SLC8A1: variants seen among roughly 807,000 people sequenced by gnomAD.
The protein encoded by SLC8A1 is solute carrier family 8 member A1, also known as sodium/calcium exchanger 1.
Under a neutral mutation model 68.3 loss-of-function variants are expected in SLC8A1, and 18 were observed. The observed-to-expected ratio is 0.26, with a 90% CI of 0.18 to 0.39. The LOEUF (loss-of-function observed/expected upper bound fraction) is 0.39. Among genes scored for constraint, SLC8A1 ranks in the 10% least tolerant of loss-of-function variants. SLC8A1 has a pLI of 1.00. For synonymous variants in SLC8A1, 475 were observed against 415.5 expected (o/e 1.14, Z -1.74); for missense variants, 985 against 1,156.7 (o/e 0.85, Z 2.15).
intron 2 of SLC8A1, among the ~76,000 whole-genome samples, chr2:40,420,346 G>A (rs541937197): frequency 7.1e-6 from 1 of 140,850 alleles, no homozygotes; most frequent in African/African-American, 2.6e-5. Context: ...AATTTGGATT[G>A]TCTGGTAACA....
intron 2 of SLC8A1, among the ~76,000 whole-genome samples, chr2:40,319,096 T>C (rs2074865424): frequency 6.6e-6 from 1 of 152,108 alleles, no homozygotes. Context: ...TGAGAAAGCC[T>C]TAATTCCTGG....
At chr2:40,166,693 T>C (rs1329235807) in intron 4 of SLC8A1, among the ~76,000 whole-genome samples, 1 of 152,222 alleles carries the variant, frequency 6.6e-6, no homozygotes, top group Non-Finnish European at 1.5e-5. Flanking sequence ...CTGAGATACA[T>C]GAAGTGCAAT....
chr2:40,286,238 G>A lies in SLC8A1; in HGVS notation c.1809-108383C>T, dbSNP rs969272654. Among the ~76,000 whole-genome samples, 5 of 152,282 alleles carry A rather than the reference G, an allele frequency of 3.3e-5. No homozygotes were observed. The South Asian group carries it at 1.0e-3, about 32-fold the overall frequency. On this transcript the variant is annotated intron_variant, in intron 2 of 7. Transcript: ENST00000406785. ...TTACTCCATTTTATCTTCAAGAGAA[G>A]AGGCTTCACTATAGGGATAACCCCA... is the stretch of plus-strand genomic sequence containing the variant.
intron 2 of SLC8A1, among the ~76,000 whole-genome samples, chr2:40,228,221 T>A (rs1032561815): frequency 6.6e-6 from 1 of 152,218 alleles, no homozygotes; most frequent in African/African-American, 2.4e-5. Flanking sequence ...AGCTTTGACA[T>A]CATATACATA....
intron 2 of SLC8A1, among the ~76,000 whole-genome samples, chr2:40,267,636 G>A (rs2065514394): frequency 6.6e-6 from 1 of 152,140 alleles, no homozygotes; most frequent in Admixed American, 6.5e-5. Flanking sequence ...ATGAATGAAT[G>A]AATGGGAAAA....
intron 2 of SLC8A1, among the ~76,000 whole-genome samples, chr2:40,229,864 T>C (rs1397029409): frequency 6.6e-6 from 1 of 152,216 alleles, no homozygotes; most frequent in African/African-American, 2.4e-5. Context: ...GTTAAAGATA[T>C]GTACACCTAA....
chr2:40,136,581 AC>A (rs1426150312), intron 7 of SLC8A1, among the ~76,000 whole-genome samples: 1 of 152,158 alleles, frequency 6.6e-6, no homozygotes, highest in Non-Finnish European at 1.5e-5. Flanking sequence ...AAGTGCCAAA[AC>A]ATGGGCCTAG....
At chr2:40,485,131 T>A (rs867219068) in intron 1 of SLC8A1, among the ~76,000 whole-genome samples, 2 of 151,632 alleles carry the variant, frequency 1.3e-5, no homozygotes, top group Middle Eastern at 3.2e-3. Flanking sequence ...GGAGGAGGAG[T>A]AGAAGCAGGC....
intron 2 of SLC8A1, among the ~76,000 whole-genome samples, chr2:40,362,227 A>C (rs1174829061): frequency 2.6e-5 from 4 of 151,976 alleles, no homozygotes; most frequent in Non-Finnish European, 5.9e-5. Flanking sequence ...GTTTGGAAGT[A>C]AGAGAAAAAA....
chr2:40,310,549 T>G (rs543060637), intron 2 of SLC8A1, among the ~76,000 whole-genome samples: 1 of 152,312 alleles, frequency 6.6e-6, no homozygotes, highest in African/African-American at 2.4e-5. Context: ...CTGTAGCAGC[T>G]GCCCTGACTC....
chr2:40,319,637 G>T (rs1189397238), intron 2 of SLC8A1, among the ~76,000 whole-genome samples: 1 of 152,066 alleles, frequency 6.6e-6, no homozygotes, highest in Non-Finnish European at 1.5e-5. Flanking sequence ...AGTTCCGCCT[G>T]TCACAAAGCT....
At chr2:40,155,520 T>C (rs973176359) in intron 6 of SLC8A1, among the ~76,000 whole-genome samples, 2 of 152,190 alleles carry the variant, frequency 1.3e-5, no homozygotes, top group African/African-American at 4.8e-5. Flanking sequence ...ATAGTAATGA[T>C]GTTCAATAAC....
chr2:40,397,214 T>C (rs1024868107), intron 2 of SLC8A1, among the ~76,000 whole-genome samples: 5 of 152,184 alleles, frequency 3.3e-5, no homozygotes, highest in African/African-American at 1.2e-4. Context: ...TCCTTTTCTC[T>C]CTTTCTGAAT....
At chr2:40,487,090 A>C in intron 1 of SLC8A1, among the ~76,000 whole-genome samples, 1 of 151,958 alleles carries the variant, frequency 6.6e-6, no homozygotes, top group East Asian at 1.9e-4. Context: ...ATCCCTTTTG[A>C]GCAGAAGTTG....
At chr2:40,183,526 AC>A (rs1360962928) in intron 2 of SLC8A1, among the ~76,000 whole-genome samples, 1 of 152,202 alleles carries the variant, frequency 6.6e-6, no homozygotes, top group Admixed American at 6.5e-5. Context: ...AATAGTTTTA[AC>A]CAGCTGTCTC....
intron 2 of SLC8A1, among the ~76,000 whole-genome samples, chr2:40,342,025 CA>C: frequency 6.6e-6 from 1 of 152,200 alleles, no homozygotes; most frequent in Middle Eastern, 3.4e-3. Context: ...TAGACCTAAT[CA>C]AAGGTTATTT....
At chr2:40,349,316 G>T (rs1477812062) in intron 2 of SLC8A1, among the ~76,000 whole-genome samples, 1 of 152,152 alleles carries the variant, frequency 6.6e-6, no homozygotes, top group South Asian at 2.1e-4. Flanking sequence ...TTGAATCATG[G>T]TCATTGAGAA....
intron 2 of SLC8A1, among the ~76,000 whole-genome samples, chr2:40,202,490 C>T (rs1297190933): frequency 6.6e-6 from 1 of 151,936 alleles, no homozygotes; most frequent in Non-Finnish European, 1.5e-5. Flanking sequence ...AACAAAATCC[C>T]TGTCTGCTTC....
intron 2 of SLC8A1, among the ~76,000 whole-genome samples, chr2:40,425,349 G>C (rs962764508): frequency 5.9e-5 from 9 of 151,634 alleles, no homozygotes; most frequent in Non-Finnish European, 1.0e-4. Flanking sequence ...CTAAAAATAA[G>C]ATCAAAGATT....
Sources: gnomAD v4.1 joint callset for allele counts (sites outside exome capture counted in the v4.1 genomes callset) on GRCh38, gnomAD v4.1.1 for gene constraint, MANE v1.5 for transcripts, NCBI Gene and HGNC (gene_info 2026-07-23, HGNC 2026-07-21) for gene names.